The following RBFOX1 variants were observed in gnomAD, a reference collection of about 807,000 sequenced individuals.
The protein encoded by RBFOX1 is RNA binding protein fox-1 homolog 1.
A neutral mutation model predicts 57.7 loss-of-function variants in RBFOX1; 8 were observed. That is an observed-to-expected ratio of 0.14 (90% confidence interval 0.08 to 0.25). RBFOX1 has a LOEUF of 0.25. Ranked by LOEUF, RBFOX1 falls within the 10% of genes least tolerant of loss-of-function variation. The pLI is 1.00. For missense variants in RBFOX1, 611 were observed against 548.5 expected (o/e 1.11, Z -1.14); for synonymous variants, 326 against 222.4 (o/e 1.47, Z -4.15).
intron 3 of RBFOX1, among the ~76,000 whole-genome samples, chr16:6,866,750 G>A (rs891018760): frequency 1.3e-5 from 2 of 151,928 alleles, no homozygotes; most frequent in Middle Eastern, 3.4e-3. Flanking sequence ...CACCGTGTTA[G>A]CCAGGATGGT....
chr16:6,557,018 TATATATACATATATACAC>T (rs1279734358), intron 2 of RBFOX1, among the ~76,000 whole-genome samples: 1 of 125,698 alleles, frequency 8.0e-6, no homozygotes, highest in Non-Finnish European at 1.6e-5. Flanking sequence ...TATATATACA[TATATATACATATATACAC>T]ATATATATAC....
At chr16:6,692,494 A>T (rs562674370) in intron 3 of RBFOX1, among the ~76,000 whole-genome samples, 1 of 152,172 alleles carries the variant, frequency 6.6e-6, no homozygotes, top group Non-Finnish European at 1.5e-5. Flanking sequence ...CTGTGGCCTA[A>T]CAAAGAAACA....
At chr16:5,882,659 G>A (rs62017080) in intron 4 of RBFOX1, among the ~76,000 whole-genome samples, 59,170 of 151,872 alleles carry the variant, frequency 0.39, 11,924 homozygotes, top group African/African-American at 0.49. Flanking sequence ...CCAAGCTCAC[G>A]CCCTGCTCCA....
At chr16:7,241,120 C>T (rs181780601) in intron 4 of RBFOX1, among the ~76,000 whole-genome samples, 1 of 152,264 alleles carries the variant, frequency 6.6e-6, no homozygotes, top group African/African-American at 2.4e-5. Context: ...TGGCTTGAGA[C>T]CCGAGGCAGA....
chr16:6,553,233 A>G (rs1164202660), intron 2 of RBFOX1, among the ~76,000 whole-genome samples: 1 of 152,206 alleles, frequency 6.6e-6, no homozygotes, highest in African/African-American at 2.4e-5. Context: ...AACAGGCAAG[A>G]AGGGTCATCA....
chr16:7,590,786 G>T (rs559532591), intron 7 of RBFOX1, among the ~76,000 whole-genome samples: 9 of 151,544 alleles, frequency 5.9e-5, no homozygotes, highest in Admixed American at 1.3e-4. Flanking sequence ...TTGAACCCGG[G>T]GGGTGGAGAT....
chr16:6,465,717 T>C (rs1480835767), intron 2 of RBFOX1, among the ~76,000 whole-genome samples: 1 of 151,228 alleles, frequency 6.6e-6, no homozygotes, highest in Admixed American at 6.6e-5. Context: ...ATTTTTGTGC[T>C]AAAAGGGAAG....
chr16:6,280,964 T>C (rs1450284782), intron 1 of RBFOX1, among the ~76,000 whole-genome samples: 1 of 149,226 alleles, frequency 6.7e-6, no homozygotes, highest in East Asian at 2.0e-4. Context: ...TGTGTGTGTG[T>C]GTGTATGTGT....
chr16:5,454,973 TTC>T (rs1235731430), intron 1 of RBFOX1, among the ~76,000 whole-genome samples: 4 of 86,298 alleles, frequency 4.6e-5, no homozygotes, highest in Non-Finnish European at 9.7e-5. Context: ...CTTTCTTTCT[TTC>T]TTTCTTTCTT....
At chr16:6,107,183 G>T (rs1252521896) in intron 1 of RBFOX1, among the ~76,000 whole-genome samples, 1 of 152,064 alleles carries the variant, frequency 6.6e-6, no homozygotes, top group African/African-American at 2.4e-5. Context: ...CTTGCCATTG[G>T]TTTCTTCTGG....
chr16:7,094,751 T>TGTGTGTGTGTGG, intron 4 of RBFOX1, among the ~76,000 whole-genome samples: 1 of 125,520 alleles, frequency 8.0e-6, no homozygotes, highest in Non-Finnish European at 1.7e-5. Context: ...CAGCTGTGTG[T>TGTGTGTGTGTGG]GTGTGTGTGT....
At chr16:5,716,891 T>G (rs7202081) in intron 3 of RBFOX1, among the ~76,000 whole-genome samples, 15,732 of 152,194 alleles carry the variant, frequency 0.1, 2,726 homozygotes, top group African/African-American at 0.36. Context: ...TCCAAGCCTG[T>G]CATCCCTGGT....
rs1037903334 is a variant in RBFOX1, at chr16:6,019,855, A to G, written c.-264A>G. ...GGCTGACCTGCCCGCGAAGTTGCGGACAGTGCGTGAGAAACCAGCACCCCC... is the reference window on the plus strand; with the variant it reads ...GGCTGACCTGCCCGCGAAGTTGCGGGCAGTGCGTGAGAAACCAGCACCCCC... On this transcript the variant is annotated 5_prime_UTR_variant, in exon 1 of 16. Coordinates refer to ENST00000550418, the MANE Select transcript of RBFOX1 (RefSeq NM_018723.4). This position sits in a 1 kb window ranked among gnomAD's most constrained non-coding sequence, Gnocchi z 4.2. The G allele has an allele frequency of 1.3e-6, 2 of 1,531,028 alleles. No individual in the cohort carries two copies. The highest frequency in any genetic ancestry group is 3.9e-5 in the Admixed American group (2 of 50,684). The allele number at this position is 1,531,028 out of a possible 1,614,324, so 94.8% of individuals were successfully genotyped here.
chr16:6,619,241 C>T (rs760444960), intron 2 of RBFOX1, among the ~76,000 whole-genome samples: 14 of 152,030 alleles, frequency 9.2e-5, no homozygotes, highest in Non-Finnish European at 1.8e-4. Flanking sequence ...TGGGCTAACA[C>T]TGTTGTTGCC....
At chr16:6,971,083 C>T (rs759513491) in intron 3 of RBFOX1, among the ~76,000 whole-genome samples, 7 of 152,168 alleles carry the variant, frequency 4.6e-5, no homozygotes, top group Non-Finnish European at 7.3e-5. Flanking sequence ...ACATGCGTTT[C>T]CTGATTGGAT....
chr16:5,563,463 C>G (rs2045956664), intron 2 of RBFOX1, among the ~76,000 whole-genome samples: 1 of 152,108 alleles, frequency 6.6e-6, no homozygotes, highest in Admixed American at 6.5e-5. Context: ...ATTTTATTTT[C>G]TGAAATAACC....
intron 3 of RBFOX1, among the ~76,000 whole-genome samples, chr16:5,616,498 C>T (rs1029324585): frequency 2.0e-5 from 3 of 152,066 alleles, no homozygotes; most frequent in African/African-American, 4.8e-5. Context: ...CTGCTGCCAC[C>T]GTGAATACGA....
intron 3 of RBFOX1, among the ~76,000 whole-genome samples, chr16:6,933,354 A>C (rs1020357537): frequency 4.6e-5 from 7 of 152,252 alleles, no homozygotes; most frequent in African/African-American, 1.7e-4. Flanking sequence ...CATTTCCGTC[A>C]GCAGTGCACA....
chr16:6,071,466 A>G (rs2095837133), intron 1 of RBFOX1, among the ~76,000 whole-genome samples: 1 of 152,232 alleles, frequency 6.6e-6, no homozygotes, highest in East Asian at 1.9e-4. Context: ...CTGTACAACA[A>G]ACCCCAATAA....
Sources: allele counts gnomAD v4.1 joint callset (sites outside exome capture counted in the v4.1 genomes callset), GRCh38; gene constraint gnomAD v4.1.1; non-coding constraint Gnocchi (gnomAD v3.1); transcripts MANE v1.5; gene names NCBI Gene and HGNC (gene_info 2026-07-23, HGNC 2026-07-21).